FCHSD2: variants seen among roughly 807,000 people sequenced by gnomAD.
The protein encoded by FCHSD2 is F-BAR and double SH3 domains protein 2.
A neutral mutation model predicts 108.1 loss-of-function variants in FCHSD2; 38 were observed. The observed-to-expected ratio is 0.35, with a 90% CI of 0.27 to 0.46. The LOEUF is 0.46. Ranked by LOEUF, FCHSD2 falls within the 20% of genes least tolerant of loss-of-function variation. The pLI is 1.00. For missense variants in FCHSD2, 751 were observed against 897.8 expected (o/e 0.84, Z 2.09); for synonymous variants, 279 against 314.7 (o/e 0.89, Z 1.20).
intron 2 of FCHSD2, among the ~76,000 whole-genome samples, chr11:73,103,875 T>G (rs1860279588): frequency 6.6e-6 from 1 of 152,222 alleles, no homozygotes; most frequent in African/African-American, 2.4e-5. Flanking sequence ...CAAACTCTCC[T>G]CCAGAGAAGT....
chr11:72,892,351 C>G (rs1855330603), intron 10 of FCHSD2, among the ~76,000 whole-genome samples: 1 of 152,096 alleles, frequency 6.6e-6, no homozygotes, highest in Non-Finnish European at 1.5e-5. Flanking sequence ...GCTTTGAGAT[C>G]CTTTGGGTAG....
rs570698651 is a variant in FCHSD2 at position 73,061,705 on chromosome 11, G to A, written c.165+21990C>T. Among the ~76,000 whole-genome samples the A allele has an allele frequency of 5.3e-5, 8 of 152,296 alleles. No individual in the cohort carries two copies. In the South Asian group the frequency reaches 1.7e-3, roughly 32 times the overall value. On this transcript the variant is annotated intron_variant, in intron 3 of 19. Coordinates refer to ENST00000409418, the MANE Select transcript of FCHSD2 (RefSeq NM_014824.3). ...TATAAACAAAGCCTCTGGGAAGTTC[G>A]AACTGGGTGGAGCCCACTGCAGCTC...
At chr11:73,111,920 G>C (rs1356004597) in intron 2 of FCHSD2, among the ~76,000 whole-genome samples, 1 of 151,930 alleles carries the variant, frequency 6.6e-6, no homozygotes, top group African/African-American at 2.4e-5. Context: ...TTAACTTTTG[G>C]TTGTTACTAT....
chr11:72,870,294 TTAAC>T (rs1854825582), intron 12 of FCHSD2, among the ~76,000 whole-genome samples: 2 of 152,218 alleles, frequency 1.3e-5, no homozygotes, highest in East Asian at 1.9e-4. Context: ...ACTTAGCTAT[TTAAC>T]TAAGTATGCC....
chr11:73,127,916 T>A (rs1221150687), intron 2 of FCHSD2, among the ~76,000 whole-genome samples: 1 of 148,458 alleles, frequency 6.7e-6, no homozygotes. Flanking sequence ...GCCAACATAG[T>A]GAAGCACCGT....
chr11:72,888,737 T>C (rs1313195683), intron 11 of FCHSD2, among the ~76,000 whole-genome samples: 1 of 151,684 alleles, frequency 6.6e-6, no homozygotes, highest in Non-Finnish European at 1.5e-5. Context: ...TCCCCAACCT[T>C]AGCCTCCCGA....
intron 8 of FCHSD2, among the ~76,000 whole-genome samples, chr11:72,946,252 T>C (rs1349594411): frequency 2.0e-5 from 3 of 151,982 alleles, no homozygotes; most frequent in Non-Finnish European, 1.5e-5. Context: ...TGTAAGGACA[T>C]GGATGAAGCT....
At chr11:72,853,166 A>G (rs1450117157) in intron 13 of FCHSD2, among the ~76,000 whole-genome samples, 3 of 152,172 alleles carry the variant, frequency 2.0e-5, no homozygotes, top group Non-Finnish European at 4.4e-5. Context: ...TGAGTTCGAG[A>G]CTAGAAAGCC....
intron 4 of FCHSD2, among the ~76,000 whole-genome samples, chr11:73,003,269 CAA>C (rs1857664047): frequency 6.6e-6 from 1 of 152,096 alleles, no homozygotes; most frequent in South Asian, 2.1e-4. Flanking sequence ...GGAGAAATAA[CAA>C]AAATACCTGC....
At chr11:72,950,327 A>G (rs1375465033) in intron 8 of FCHSD2, among the ~76,000 whole-genome samples, 2 of 152,072 alleles carry the variant, frequency 1.3e-5, no homozygotes, top group African/African-American at 2.4e-5. Flanking sequence ...TTGATACACA[A>G]AAGTTTTTAT....
intron 2 of FCHSD2, among the ~76,000 whole-genome samples, chr11:73,115,734 A>G (rs923478224): frequency 1.4e-4 from 21 of 152,232 alleles, no homozygotes; most frequent in Admixed American, 3.3e-4. Flanking sequence ...CTGAGATAGG[A>G]GTTGATGCTG....
At chr11:72,972,862 G>A (rs1376223167) in intron 8 of FCHSD2, among the ~76,000 whole-genome samples, 1 of 152,102 alleles carries the variant, frequency 6.6e-6, no homozygotes, top group African/African-American at 2.4e-5. Flanking sequence ...AATGCTTCCC[G>A]AGCTTCAAAT....
intron 8 of FCHSD2, among the ~76,000 whole-genome samples, chr11:72,966,397 T>C (rs957108265): frequency 4.6e-5 from 7 of 152,152 alleles, no homozygotes; most frequent in African/African-American, 1.7e-4. Context: ...TGATCTCAAG[T>C]GATCCTCCTG....
chr11:72,989,180 T>A, intron 5 of FCHSD2, 83 bp from the exon 6 acceptor site: 1 of 1,061,930 alleles, frequency 9.4e-7, no homozygotes, highest in South Asian at 1.8e-5. Flanking sequence ...CTATACACTA[T>A]GCCTTCAGGA....
chr11:72,971,979 C>T (rs960532089), intron 8 of FCHSD2, among the ~76,000 whole-genome samples: 35 of 152,110 alleles, frequency 2.3e-4, no homozygotes, highest in African/African-American at 7.7e-4. Flanking sequence ...TATGGTTATA[C>T]ATATTTGTCA....
chr11:73,047,016 T>C (rs1858784562), intron 3 of FCHSD2, among the ~76,000 whole-genome samples: 1 of 152,130 alleles, frequency 6.6e-6, no homozygotes. Flanking sequence ...TTTGGGAAAA[T>C]ATCAATGATA....
At chr11:72,871,883 T>C (rs1854866928) in intron 12 of FCHSD2, among the ~76,000 whole-genome samples, 1 of 152,000 alleles carries the variant, frequency 6.6e-6, no homozygotes, top group South Asian at 2.1e-4. Flanking sequence ...TGAACTGCTG[T>C]GCCCAACAGG....
At chr11:72,986,310 T>A (rs956155526) in intron 6 of FCHSD2, among the ~76,000 whole-genome samples, 5 of 152,056 alleles carry the variant, frequency 3.3e-5, no homozygotes, top group African/African-American at 1.2e-4. Flanking sequence ...CCTGGGTTCA[T>A]GCCATTCTCC....
intron 3 of FCHSD2, among the ~76,000 whole-genome samples, chr11:73,044,994 TG>T (rs892667692): frequency 7.4e-5 from 11 of 148,646 alleles, no homozygotes; most frequent in Non-Finnish European, 3.0e-5. Context: ...CACTTGAACC[TG>T]GGAGGCGGAG....
Sources: allele counts gnomAD v4.1 joint callset (sites outside exome capture counted in the v4.1 genomes callset), GRCh38; gene constraint gnomAD v4.1.1; transcripts MANE v1.5; gene names NCBI Gene and HGNC (gene_info 2026-07-23, HGNC 2026-07-21).